AOPEP: variants seen among roughly 807,000 people sequenced by gnomAD.
The protein encoded by AOPEP is aminopeptidase O (putative), also known as aminopeptidase O.
AOPEP carries 77 observed loss-of-function variants against 98.1 expected under a neutral mutation model. That is an observed-to-expected ratio of 0.78 (90% CI 0.65 to 0.95). The LOEUF (loss-of-function observed/expected upper bound fraction) is 0.95. Among genes scored for constraint, AOPEP ranks in the 40% least tolerant of loss-of-function variants. The pLI is 0.00. For synonymous variants in AOPEP, 346 were observed against 365.3 expected (o/e 0.95, Z 0.60); for missense variants, 1,024 against 1,024.7 (o/e 1.00, Z 0.01).
intron 16 of AOPEP, among the ~76,000 whole-genome samples, chr9:95,083,542 A>G (rs1365988370): frequency 6.7e-6 from 1 of 149,552 alleles, no homozygotes; most frequent in Non-Finnish European, 1.5e-5. Flanking sequence ...CACGCAGAGT[A>G]CACGCGGCAC....
intron 5 of AOPEP, among the ~76,000 whole-genome samples, chr9:94,894,884 C>T (rs1173850561): frequency 6.6e-6 from 1 of 152,142 alleles, no homozygotes; most frequent in Non-Finnish European, 1.5e-5. Flanking sequence ...ATGGTTCCAT[C>T]TTAAGAAATG....
intron 7 of AOPEP, 63 bp downstream of exon 7, chr9:94,928,594 C>G: frequency 8.7e-7 from 1 of 1,153,172 alleles, no homozygotes; most frequent in Non-Finnish European, 1.3e-6. Context: ...AAGACACCTC[C>G]CTGCCAACTG....
chr9:95,133,995 G>C, the AOPEP span, among the ~76,000 whole-genome samples: 1 of 152,168 alleles, frequency 6.6e-6, no homozygotes, highest in Non-Finnish European at 1.5e-5. Context: ...TTATCCTTAA[G>C]AAATCTGTTT....
intron 9 of AOPEP, among the ~76,000 whole-genome samples, chr9:94,965,362 C>T (rs970066957): frequency 6.6e-6 from 1 of 152,200 alleles, no homozygotes. Flanking sequence ...GGAGAACAGA[C>T]ATTACAAGAA....
chr9:95,076,401 G>A (rs896973282), intron 14 of AOPEP, among the ~76,000 whole-genome samples: 1 of 152,138 alleles, frequency 6.6e-6, no homozygotes, highest in Non-Finnish European at 1.5e-5. Context: ...TTGCATCAGA[G>A]GTTGTTTTCA....
chr9:95,015,568 G>T (rs745976193), intron 13 of AOPEP, among the ~76,000 whole-genome samples: 19 of 152,190 alleles, frequency 1.2e-4, no homozygotes, highest in Non-Finnish European at 2.2e-4. Context: ...AACTATATAG[G>T]ATAGGAGAAT....
At chr9:94,733,215 T>A (rs1232600086) in intron 1 of AOPEP, among the ~76,000 whole-genome samples, 1 of 149,500 alleles carries the variant, frequency 6.7e-6, no homozygotes, top group Non-Finnish European at 1.5e-5. Flanking sequence ...CAAGCGATCC[T>A]CCTGCCTCAG....
At chr9:94,928,733 T>C (rs1830491950) in intron 7 of AOPEP, 3 of 519,256 alleles carry the variant, frequency 5.8e-6, no homozygotes, top group African/African-American at 2.0e-5. Flanking sequence ...TCCTGGTGAC[T>C]GTTTAGGAAA....
At chr9:94,803,808 T>C (rs1848679196) in intron 5 of AOPEP, among the ~76,000 whole-genome samples, 1 of 152,196 alleles carries the variant, frequency 6.6e-6, no homozygotes, top group South Asian at 2.1e-4. Context: ...TTTAATTCTT[T>C]GCTGAGAAAA....
chr9:94,782,461 C>G (rs2133190017), intron 3 of AOPEP, among the ~76,000 whole-genome samples: 1 of 152,292 alleles, frequency 6.6e-6, no homozygotes, highest in African/African-American at 2.4e-5. Flanking sequence ...CTCTGACATT[C>G]TCTTTCTTTT....
intron 7 of AOPEP, among the ~76,000 whole-genome samples, chr9:94,945,309 C>T (rs1316877314): frequency 6.6e-6 from 1 of 152,070 alleles, no homozygotes; most frequent in East Asian, 1.9e-4. Context: ...TTTTTAACTG[C>T]TGTGAGTATT....
chr9:94,963,946 G>T (rs1202109077), intron 9 of AOPEP, among the ~76,000 whole-genome samples: 4 of 152,164 alleles, frequency 2.6e-5, no homozygotes, highest in Admixed American at 2.6e-4. Flanking sequence ...TTTATGAAAA[G>T]AAACAGGAAA....
intron 5 of AOPEP, among the ~76,000 whole-genome samples, chr9:94,868,229 G>A (rs77928923): frequency 0.011 from 1,677 of 152,300 alleles, 34 homozygotes; most frequent in African/African-American, 0.037. Flanking sequence ...AAAGCAGCTT[G>A]GAGGCCACAG....
chr9:94,755,059 A>T (rs1397218412), intron 1 of AOPEP, among the ~76,000 whole-genome samples: 1 of 152,214 alleles, frequency 6.6e-6, no homozygotes, highest in Non-Finnish European at 1.5e-5. Flanking sequence ...AAGCATTTAA[A>T]ATACATACCA....
At chr9:94,906,972 T>G (rs1477006979) in intron 5 of AOPEP, among the ~76,000 whole-genome samples, 1 of 152,130 alleles carries the variant, frequency 6.6e-6, no homozygotes, top group African/African-American at 2.4e-5. Context: ...CAGCTGATAC[T>G]AGAAAGGAGA....
At chr9:94,953,189 T>G (rs760000783) in intron 7 of AOPEP, among the ~76,000 whole-genome samples, 29 of 152,204 alleles carry the variant, frequency 1.9e-4, no homozygotes, top group Non-Finnish European at 1.8e-4. Flanking sequence ...TGTGGCTTTC[T>G]TACAAAAACA....
At chr9:94,947,216 C>A (rs376073347) in intron 7 of AOPEP, among the ~76,000 whole-genome samples, 8 of 151,916 alleles carry the variant, frequency 5.3e-5, no homozygotes, top group African/African-American at 1.9e-4. Context: ...CACCTGACCT[C>A]GTGATCCACC....
chr9:94,812,295 A>G (rs1326795733), intron 5 of AOPEP, among the ~76,000 whole-genome samples: 1 of 152,122 alleles, frequency 6.6e-6, no homozygotes, highest in Non-Finnish European at 1.5e-5. Context: ...GAACATATGA[A>G]GGAGAGGGTC....
At chr9:94,857,296 C>T (rs561652025) in intron 5 of AOPEP, among the ~76,000 whole-genome samples, 2 of 152,304 alleles carry the variant, frequency 1.3e-5, no homozygotes, top group Non-Finnish European at 2.9e-5. Flanking sequence ...GTCATTTCTT[C>T]AACCATGTTT....
Sources: allele counts gnomAD v4.1 joint callset (sites outside exome capture counted in the v4.1 genomes callset), GRCh38; gene constraint gnomAD v4.1.1; transcripts MANE v1.5; gene names NCBI Gene and HGNC (gene_info 2026-07-23, HGNC 2026-07-21).